Variants in HIGD1A observed in about 807,000 individuals in gnomAD.
HIGD1A encodes HIG1 domain family member 1A, mitochondrial.
HIGD1A carries 8 observed loss-of-function variants against 11.3 expected under a neutral mutation model. The ratio of observed to expected loss-of-function variants is 0.71; its 90% CI spans 0.42 to 1.28. The LOEUF is 1.28. HIGD1A is among the 50% of genes most tolerant of loss of function. The pLI, the probability that HIGD1A is intolerant of heterozygous loss-of-function variation, is 0.01. For synonymous variants in HIGD1A, 32 were observed against 38.4 expected (o/e 0.83, Z 0.62); for missense variants, 107 against 118.8 (o/e 0.90, Z 0.46).
rs1700609597 is a variant in HIGD1A at position 42,804,407 on chromosome 3, C to T, written c.-23+29G>A. The T allele has an allele frequency of 2.3e-5, 12 of 517,718 alleles. No individual in the cohort carries two copies. In the South Asian group the frequency reaches 3.1e-4, roughly 13 times the overall value. The allele number at this position is 517,718 out of a possible 1,614,324, so 32.1% of individuals were successfully genotyped here. ...CCCGCCCCGCGGCCCGAGTCCCTGGCTCGCAGTCCCCCGGCTTGTTTCGCT... is the reference window on the plus strand; with the variant it reads ...CCCGCCCCGCGGCCCGAGTCCCTGGTTCGCAGTCCCCCGGCTTGTTTCGCT... On this transcript the variant is annotated intron_variant, in intron 1 of 3. Coordinates refer to ENST00000321331, the MANE Select transcript of HIGD1A (RefSeq NM_014056.4).
Position 42,783,712 on chromosome 3 carries a change from T to A in HIGD1A, c.*1559A>T, listed in dbSNP as rs888155281. ...AGTAGAGGAGGAGGGAAGGAAGAAA[T>A]ATGCTAGGCTTAAATATTGCTCAAA... On this transcript the variant is annotated 3_prime_UTR_variant, in exon 4 of 4. Transcript: ENST00000321331. Among the ~76,000 whole-genome samples the A allele has an allele frequency of 2.0e-5, 3 of 152,162 alleles. No homozygotes were observed. The East Asian group carries it at 5.8e-4, about 29-fold the overall frequency.
At chr3:42,789,126 C>T (rs556484109) in intron 2 of HIGD1A, among the ~76,000 whole-genome samples, 97 of 148,224 alleles carry the variant, frequency 6.5e-4, no homozygotes, top group Non-Finnish European at 4.9e-4. Context: ...CTGCAACCTC[C>T]GACTCCTGAG....
intron 2 of HIGD1A, among the ~76,000 whole-genome samples, chr3:42,792,651 G>A (rs1700438318): frequency 6.8e-6 from 1 of 146,696 alleles, no homozygotes; most frequent in Non-Finnish European, 1.5e-5. Flanking sequence ...TCCAGCCTGG[G>A]CGACAGAGCA....
rs1306097477 is a variant in HIGD1A at position 42,784,394 on chromosome 3, T to C, written c.*877A>G. 4 of 152,288 alleles carry C rather than the reference T, an allele frequency of 2.6e-5. No individual in the cohort carries two copies. Among genetic ancestry groups the C allele is most frequent in the Admixed American group, 6.5e-5 (1 of 15,294 alleles). 9.4% of individuals were successfully genotyped at this position (152,288 alleles called of 1,614,324 possible). On this transcript the variant is annotated 3_prime_UTR_variant, in exon 4 of 4. Coordinates refer to ENST00000321331, the MANE Select transcript of HIGD1A (RefSeq NM_014056.4). ...AGACAAGAGAATTTCACAAGTGTGATAGCCTTCTGTATATTATATAAAAGT... is the reference window on the plus strand; with the variant it reads ...AGACAAGAGAATTTCACAAGTGTGACAGCCTTCTGTATATTATATAAAAGT...
In HIGD1A at chr3:42,795,244, G is replaced by A. The variant is rs148458734; in HGVS notation, c.-22-969C>T. 9.5e-3 allele frequency among the ~76,000 whole-genome samples: 1,355 copies of A among 142,798 alleles called. 11 individuals carry two copies. The highest frequency in any genetic ancestry group is 0.035 in the Middle Eastern group (9 of 260). 93.7% of individuals were successfully genotyped at this position (142,798 alleles called of 152,430 possible). A position where few individuals can be genotyped will look rare whatever the true frequency, so the allele number is the denominator to read the frequency against. ...CTTTTTTTTTTTTTTTTGAGATGGA[G>A]TTTCGTTCTTGTTGCCCAGGCTGGA... On this transcript the variant is annotated intron_variant, in intron 1 of 3. Transcript: ENST00000321331.
At position 42,783,647 on chromosome 3, in the gene HIGD1A, A is replaced by G. The variant is rs756237504; in HGVS notation, c.*1624T>C. 6.6e-5 allele frequency among the ~76,000 whole-genome samples: 10 copies of G among 152,294 alleles called. No homozygotes were observed. Among genetic ancestry groups the G allele is most frequent in the Admixed American group, 2.6e-4 (4 of 15,300 alleles). On this transcript the variant is annotated 3_prime_UTR_variant, in exon 4 of 4. Transcript: ENST00000321331. ...ACAAACAAACAAACAAACAAACAGT[A>G]TAAGAGTAAAATCCAATAATATATC...
At chr3:42,791,910 A>C (rs1371407232) in intron 2 of HIGD1A, among the ~76,000 whole-genome samples, 1 of 152,228 alleles carries the variant, frequency 6.6e-6, no homozygotes, top group Non-Finnish European at 1.5e-5. Flanking sequence ...ACAACCAAAA[A>C]ATTTTATAGA....
chr3:42,801,261 G>A (rs960303969), intron 1 of HIGD1A, among the ~76,000 whole-genome samples: 1 of 152,174 alleles, frequency 6.6e-6, no homozygotes, highest in African/African-American at 2.4e-5. Flanking sequence ...CACTGCCACT[G>A]GGTGCCACCA....
chr3:42,791,387 A>C (rs1700419853), intron 2 of HIGD1A, among the ~76,000 whole-genome samples: 2 of 152,206 alleles, frequency 1.3e-5, no homozygotes, highest in African/African-American at 4.8e-5. Flanking sequence ...TAATTTAATT[A>C]GAAAAAGACA....
Position 42,783,653 on chromosome 3 carries a change from G to A in HIGD1A, c.*1618C>T, listed in dbSNP as rs1700308901. The stretch of plus-strand genomic sequence containing the variant: ...AAACAAACAAACAAACAGTATAAGA[G>A]TAAAATCCAATAATATATCGACCAG... On this transcript the variant is annotated 3_prime_UTR_variant, in exon 4 of 4. Coordinates refer to ENST00000321331, the MANE Select transcript of HIGD1A (RefSeq NM_014056.4). Among the ~76,000 whole-genome samples the A allele has an allele frequency of 6.6e-6, 1 of 152,038 alleles. No homozygotes were observed. Among genetic ancestry groups the A allele is most frequent in the Non-Finnish European group, 1.5e-5 (1 of 68,008 alleles).
chr3:42,804,156 C>T, intron 1 of HIGD1A: 4 of 1,609,696 alleles, frequency 2.5e-6, no homozygotes, highest in Non-Finnish European at 8.5e-7. Flanking sequence ...CGAGTCTTCC[C>T]CGCTCGGCAA....
At chr3:42,800,131 G>C (rs1330729645) in intron 1 of HIGD1A, among the ~76,000 whole-genome samples, 1 of 152,092 alleles carries the variant, frequency 6.6e-6, no homozygotes, top group South Asian at 2.1e-4. Context: ...TTCGAAACCA[G>C]CCTGGTCAAC....
intron 2 of HIGD1A, among the ~76,000 whole-genome samples, chr3:42,790,845 G>A (rs1445099889): frequency 1.3e-5 from 2 of 151,956 alleles, no homozygotes; most frequent in Non-Finnish European, 2.9e-5. Flanking sequence ...ATGTTTCCCA[G>A]ACTAGAGTTC....
rs1383516264 is a variant in HIGD1A, at chr3:42,787,594, A to AAAAAAATAT, written c.98-1433_98-1432insATATTTTTT. ...CGACAGAGCGAGACTCCATCTCAAA[A>AAAAAAATAT]ATATATATATATATATATATATATA... is the stretch of plus-strand genomic sequence containing the variant. On this transcript the variant is annotated intron_variant, in intron 2 of 3. Transcript: ENST00000321331. 1.8e-4 allele frequency among the ~76,000 whole-genome samples: 26 copies of AAAAAAATAT among 141,254 alleles called. 1 individual carries two copies. The highest frequency in any genetic ancestry group is 6.8e-4 in the African/African-American group (26 of 38,218). 92.7% of individuals were successfully genotyped at this position (141,254 alleles called of 152,430 possible). A position where few individuals can be genotyped will look rare whatever the true frequency, so the allele number is the denominator to read the frequency against.
At chr3:42,802,805 G>C (rs1233270572) in intron 1 of HIGD1A, among the ~76,000 whole-genome samples, 1 of 152,218 alleles carries the variant, frequency 6.6e-6, no homozygotes, top group Admixed American at 6.5e-5. Flanking sequence ...TTCTGATAGA[G>C]AGTCCTGGGT....
rs773542769 is a variant in HIGD1A at position 42,794,221 on chromosome 3, T to C, written c.33A>G (p.Ser11=). The change falls in exon 2 of 4, where the codon TCA becomes TCG. Residue 11 remains serine (S), a synonymous_variant. Coordinates refer to ENST00000321331, the MANE Select transcript of HIGD1A (RefSeq NM_014056.4). Reference sequence around the variant, plus strand: ...GTTTTGATCCCTGATCTTCCTCATATGAAGGAAGGGAAACACCTGTGTCTG... The same window carrying C: ...GTTTTGATCCCTGATCTTCCTCATACGAAGGAAGGGAAACACCTGTGTCTG... MSTDTGVSLP[S]YEEDQGSKLI... 7 of 1,604,740 alleles carry C rather than the reference T, an allele frequency of 4.4e-6. No homozygotes were observed. In the East Asian group the frequency reaches 1.1e-4, roughly 26 times the overall value.
In HIGD1A at chr3:42,786,031, C is replaced by T; in HGVS notation, c.229G>A (p.Val77Ile). ...GAAATTTCCTATAGGAACCTACCAA[C>T]AGTCATTGCTCCTACAACAAAGCCT... The part of the protein sequence containing the change: ...AQGFVVGAMT[V>I]GMGYSMYREF... Residue 77 changes from valine to isoleucine, a missense_variant, in exon 3 of 4, where the codon GTT (valine) becomes ATT (isoleucine). Val to Ile is a conservative substitution (Grantham distance 29, BLOSUM62 3). Coordinates refer to ENST00000321331, the MANE Select transcript of HIGD1A (RefSeq NM_014056.4). 1 of 1,612,360 alleles carries T rather than the reference C, an allele frequency of 6.2e-7. No individual in the cohort carries two copies. Among genetic ancestry groups the T allele is most frequent in the Non-Finnish European group, 8.5e-7 (1 of 1,179,922 alleles).
Position 42,784,167 on chromosome 3 carries a change from A to T in HIGD1A, c.*1104T>A, listed in dbSNP as rs1181641245. ...AATAAAACATACCATAAAGTAAAAT[A>T]TTTTTAAAATCGTTGAAACAGAAAG... is the stretch of plus-strand genomic sequence containing the variant. On this transcript the variant is annotated 3_prime_UTR_variant, in exon 4 of 4. Transcript: ENST00000321331. The T allele has an allele frequency of 6.6e-6, 1 of 152,152 alleles. No individual in the cohort carries two copies. Among genetic ancestry groups the T allele is most frequent in the Non-Finnish European group, 1.5e-5 (1 of 68,020 alleles). The allele number at this position is 152,152 out of a possible 1,614,324, so 9.4% of individuals were successfully genotyped here. A position where few individuals can be genotyped will look rare whatever the true frequency, so the allele number is the denominator to read the frequency against.
Position 42,785,193 on chromosome 3 carries a change from CAAT to C in HIGD1A, c.*75_*77del, listed in dbSNP as rs772713956. On this transcript the variant is annotated 3_prime_UTR_variant, in exon 4 of 4. Coordinates refer to ENST00000321331, the MANE Select transcript of HIGD1A (RefSeq NM_014056.4). ...CCCATACAAATTAGTTTATTTCCAA[CAAT>C]AATAGGTAACTTTAATAATAAGACA... 1.3e-4 allele frequency: 141 copies of C among 1,121,140 alleles called. No individual in the cohort carries two copies. The East Asian group carries it at 2.6e-3, about 20-fold the overall frequency. The allele number at this position is 1,121,140 out of a possible 1,614,324, so 69.4% of individuals were successfully genotyped here.
Sources: allele counts gnomAD v4.1 joint callset (sites outside exome capture counted in the v4.1 genomes callset), GRCh38; gene constraint gnomAD v4.1.1; transcripts MANE v1.5; gene names NCBI Gene and HGNC (gene_info 2026-07-23, HGNC 2026-07-21).